NLN: variants seen among roughly 807,000 people sequenced by gnomAD.
NLN encodes the protein neurolysin, mitochondrial.
NLN carries 64 observed loss-of-function variants against 79.9 expected under a neutral mutation model. The observed-to-expected ratio is 0.80, with a 90% CI of 0.65 to 0.99. NLN has a LOEUF of 0.99. Ranked by LOEUF, NLN falls within the 50% of genes least tolerant of loss-of-function variation. The probability of loss-of-function intolerance (pLI) is 0.00; values close to 1 mark genes in which losing one functional copy is unlikely to be tolerated. For missense variants in NLN, 835 were observed against 858.7 expected, an observed-to-expected ratio of 0.97 and a Z score of 0.34; for synonymous variants, 267 against 296.6, an observed-to-expected ratio of 0.90 and a Z score of 1.02.
intron 1 of NLN, among the ~76,000 whole-genome samples, chr5:65,755,111 C>A (rs961077290): frequency 3.3e-5 from 5 of 152,084 alleles, no homozygotes; most frequent in African/African-American, 1.2e-4. Context: ...GTTTTTCTGT[C>A]TAAAACATTG....
chr5:65,745,899 C>T (rs769766428), intron 1 of NLN, among the ~76,000 whole-genome samples: 14 of 152,326 alleles, frequency 9.2e-5, no homozygotes, highest in Non-Finnish European at 1.9e-4. Flanking sequence ...TGAGTACATA[C>T]TGGTGATCGT....
At chr5:65,765,651 C>T (rs1449227672) in intron 3 of NLN, among the ~76,000 whole-genome samples, 1 of 151,734 alleles carries the variant, frequency 6.6e-6, no homozygotes, top group Non-Finnish European at 1.5e-5. Context: ...TGAGACTGCA[C>T]TGAGCAGTGG....
chr5:65,792,519 G>A lies in NLN; in HGVS notation c.1391G>A (p.Ser464Asn). 6.2e-7 allele frequency: 1 copy of A among 1,614,150 alleles called. No homozygotes were observed. The highest frequency in any genetic ancestry group is 8.5e-7 in the Non-Finnish European group (1 of 1,179,988). The change falls in exon 9 of 13, where the codon AGC (serine) becomes AAC (asparagine). Residue 464 changes from serine to asparagine, a missense_variant. Ser to Asn is a conservative substitution (Grantham distance 46, BLOSUM62 1). Transcript: ENST00000380985. ...CCTGGCTGCCTTCTGCCTGATGGAAGCCGGATGATGGCAGTGGCTGCCCTC... is the reference window on the plus strand; with the variant it reads ...CCTGGCTGCCTTCTGCCTGATGGAAACCGGATGATGGCAGTGGCTGCCCTC... ...LQPGCLLPDGSRMMAVAALVV... is the reference protein window; with the variant it reads ...LQPGCLLPDGNRMMAVAALVV...
rs73103227 is a variant in NLN, at chr5:65,818,256, C to A, written c.1981-4525C>A. 5.4e-3 allele frequency among the ~76,000 whole-genome samples: 822 copies of A among 152,254 alleles called. 10 individuals carry two copies. The highest frequency in any genetic ancestry group is 0.019 in the African/African-American group (782 of 41,548). ...ATCTTCCCTGATAGATCATAAGACT[C>A]GTGTAAAAGGAACTATTTTATTCAG... On this transcript the variant is annotated intron_variant, in intron 12 of 12. Transcript: ENST00000380985.
chr5:65,792,493 G>A lies in NLN; in HGVS notation c.1365G>A (p.Gln455=). The A allele has an allele frequency of 6.2e-7, 1 of 1,614,150 alleles. No homozygotes were observed. The highest frequency in any genetic ancestry group is 2.2e-5 in the East Asian group (1 of 44,888). The change falls in exon 9 of 13, where the codon CAG becomes CAA. Residue 455 remains glutamine, a synonymous_variant. Coordinates refer to ENST00000380985, the MANE Select transcript of NLN (RefSeq NM_020726.5). Reference sequence around the variant, plus strand: ...ATCATGCGGCCTGCTTCGGTCTCCAGCCTGGCTGCCTTCTGCCTGATGGAA... The same window carrying A: ...ATCATGCGGCCTGCTTCGGTCTCCAACCTGGCTGCCTTCTGCCTGATGGAA... ...KYNHAACFGL[Q]PGCLLPDGSR...
At chr5:65,747,822 T>A (rs971751163) in intron 1 of NLN, among the ~76,000 whole-genome samples, 1 of 152,152 alleles carries the variant, frequency 6.6e-6, no homozygotes, top group Non-Finnish European at 1.5e-5. Context: ...TTGCAGGATG[T>A]TAGTGGCAAG....
chr5:65,748,788 G>A (rs2150741401), intron 1 of NLN, among the ~76,000 whole-genome samples: 1 of 152,256 alleles, frequency 6.6e-6, no homozygotes, highest in South Asian at 2.1e-4. Context: ...CTGAAGTTAA[G>A]GGAGTGGTAA....
chr5:65,770,656 C>T (rs114969787), intron 3 of NLN, among the ~76,000 whole-genome samples: 4,100 of 152,270 alleles, frequency 0.027, 82 homozygotes, highest in Middle Eastern at 0.078. Context: ...CCTAGCACAT[C>T]CTCCCACTCC....
chr5:65,758,336 C>T (rs1392134704), intron 1 of NLN, among the ~76,000 whole-genome samples: 2 of 152,120 alleles, frequency 1.3e-5, no homozygotes, highest in East Asian at 1.9e-4. Context: ...ATTACACAAA[C>T]AATTCAGTGT....
At chr5:65,731,742 C>CT (rs761722243) in intron 1 of NLN, among the ~76,000 whole-genome samples, 2,129 of 61,998 alleles carry the variant, frequency 0.034, 498 homozygotes, top group African/African-American at 0.097. Context: ...CCTACATTTT[C>CT]TTTTTTTTTT....
intron 5 of NLN, 91 bp downstream of exon 5, chr5:65,780,372 C>T: frequency 1.7e-6 from 1 of 576,848 alleles, no homozygotes; most frequent in Non-Finnish European, 3.1e-6. Flanking sequence ...TACAAAATTT[C>T]TAAATCATAG....
intron 1 of NLN, among the ~76,000 whole-genome samples, chr5:65,724,968 AT>A (rs544628315): frequency 7.7e-4 from 113 of 145,834 alleles, no homozygotes; most frequent in Non-Finnish European, 9.0e-4. Context: ...CGCCCGGCTA[AT>A]TTTTTTTTTT....
At chr5:65,775,957 T>C (rs1759670671) in intron 3 of NLN, among the ~76,000 whole-genome samples, 1 of 152,100 alleles carries the variant, frequency 6.6e-6, no homozygotes, top group Non-Finnish European at 1.5e-5. Context: ...TACTGTAACA[T>C]AAAATTATTT....
At chr5:65,796,382 T>G (rs1040021891) in intron 9 of NLN, among the ~76,000 whole-genome samples, 3 of 152,252 alleles carry the variant, frequency 2.0e-5, no homozygotes, top group African/African-American at 7.2e-5. Flanking sequence ...AGATCTTTTC[T>G]TGGTACTCTG....
intron 1 of NLN, among the ~76,000 whole-genome samples, chr5:65,723,533 G>A (rs1000610232): frequency 1.3e-5 from 2 of 152,098 alleles, no homozygotes; most frequent in African/African-American, 4.8e-5. Flanking sequence ...AGCAATTCTC[G>A]GCCGGGCGCT....
At position 65,734,865 on chromosome 5, in the gene NLN, G is replaced by C. The variant is rs190161364; in HGVS notation, c.41+12451G>C. ...CTATACATTATTTTTATTCTCATAGGAATTCTTTTTAAGGTTTCGTAGCTT... is the reference window on the plus strand; with the variant it reads ...CTATACATTATTTTTATTCTCATAGCAATTCTTTTTAAGGTTTCGTAGCTT... On this transcript the variant is annotated intron_variant, in intron 1 of 12. Coordinates refer to ENST00000380985, the MANE Select transcript of NLN (RefSeq NM_020726.5). 8.6e-4 allele frequency among the ~76,000 whole-genome samples: 131 copies of C among 152,202 alleles called. 1 individual carries two copies. Among genetic ancestry groups the C allele is most frequent in the Admixed American group, 2.9e-3 (44 of 15,282 alleles).
At position 65,727,003 on chromosome 5, in the gene NLN, C is replaced by T. The variant is rs1350506229; in HGVS notation, c.41+4589C>T. ...TGGCAGAGCTGCTATATCCCCTTCC[C>T]AAGGCCAGCTTCCAGCTAGGATCAT... On this transcript the variant is annotated intron_variant, in intron 1 of 12. Coordinates refer to ENST00000380985, the MANE Select transcript of NLN (RefSeq NM_020726.5). Among the ~76,000 whole-genome samples, 3 of 142,532 alleles carry T rather than the reference C, an allele frequency of 2.1e-5. No homozygotes were observed. In the East Asian group the frequency reaches 5.9e-4, roughly 28 times the overall value. 93.5% of individuals were successfully genotyped at this position (142,532 alleles called of 152,430 possible).
At position 65,792,650 on chromosome 5, in the gene NLN, G is replaced by A. The variant is rs1276538600; in HGVS notation, c.1522G>A (p.Ala508Thr). ...TGGTCACGTGATGCATCAGATTTGT[G>A]CACAGGTGAGTTTTTTTTTTCCCCC... ...EFGHVMHQIC[A>T]QTDFARFSGT... The change falls in exon 9 of 13, where the codon GCA (alanine) becomes ACA (threonine). Residue 508 changes from alanine (A) to threonine (T), a missense_variant. Ala to Thr is a moderately conservative substitution (Grantham distance 58, BLOSUM62 0). Transcript: ENST00000380985. The A allele has an allele frequency of 6.2e-7, 1 of 1,612,114 alleles. No homozygotes were observed. Among genetic ancestry groups the A allele is most frequent in the Non-Finnish European group, 8.5e-7 (1 of 1,178,656 alleles).
rs1335538867 is a variant in NLN, at chr5:65,828,440, AAAG to A, written c.*5528_*5530del. On this transcript the variant is annotated 3_prime_UTR_variant, in exon 13 of 13. Coordinates refer to ENST00000380985, the MANE Select transcript of NLN (RefSeq NM_020726.5). Reference sequence around the variant, plus strand: ...AAATACTTCTCAAAAGAAAAATAAAAAAGAATTAGGGAAGTTCAGTCTGGAGAT... The same window carrying A: ...AAATACTTCTCAAAAGAAAAATAAAAAATTAGGGAAGTTCAGTCTGGAGAT... 1.4e-4 allele frequency: 21 copies of A among 152,272 alleles called. No individual in the cohort carries two copies. The highest frequency in any genetic ancestry group is 5.1e-4 in the African/African-American group (21 of 41,472). 9.4% of individuals were successfully genotyped at this position (152,272 alleles called of 1,614,324 possible). A position where few individuals can be genotyped will look rare whatever the true frequency, so the allele number is the denominator to read the frequency against.
Sources: gnomAD v4.1 joint callset for allele counts (sites outside exome capture counted in the v4.1 genomes callset) on GRCh38, gnomAD v4.1.1 for gene constraint, MANE v1.5 for transcripts, NCBI Gene and HGNC (gene_info 2026-07-23, HGNC 2026-07-21) for gene names.